CYP4F2: variants seen among roughly 807,000 people sequenced by gnomAD.
CYP4F2 encodes the protein cytochrome P450 4F2.
A neutral mutation model predicts 58.9 loss-of-function variants in CYP4F2; 58 were observed. The ratio of observed to expected loss-of-function variants is 0.98; its 90% CI spans 0.80 to 1.23. The LOEUF (loss-of-function observed/expected upper bound fraction) is 1.23, where lower values mean the gene tolerates loss of function less well. Among genes scored for constraint, CYP4F2 ranks in the 50% most tolerant of loss-of-function variants. The pLI is 0.00. For synonymous variants in CYP4F2, 287 were observed against 261.1 expected, an observed-to-expected ratio of 1.10 and a Z score of -0.95; for missense variants, 616 against 685.6, an observed-to-expected ratio of 0.90 and a Z score of 1.13.
chr19:15,891,041 TG>T (rs1174706137), intron 5 of CYP4F2, among the ~76,000 whole-genome samples: 1 of 152,186 alleles, frequency 6.6e-6, no homozygotes, highest in Non-Finnish European at 1.5e-5. Flanking sequence ...ATCCCTGTTT[TG>T]GGGGAGGTAG....
chr19:15,883,136 G>C (rs2089355244), intron 9 of CYP4F2, among the ~76,000 whole-genome samples: 1 of 152,158 alleles, frequency 6.6e-6, no homozygotes, highest in East Asian at 1.9e-4. Flanking sequence ...AAGGTAAAAA[G>C]CTTCTGCACA....
chr19:15,890,207 ACTC>A lies in CYP4F2; in HGVS notation c.647+102_647+104del, dbSNP rs199895357. On this transcript the variant is annotated intron_variant, in intron 6 of 12. Coordinates refer to ENST00000221700, the MANE Select transcript of CYP4F2 (RefSeq NM_001082.5). ...TCCTTCAATGATCAGGTATAACAAA[ACTC>A]CTCCAGGAAGGTTTGTCTGGTTTCC... 1.0e-3 allele frequency: 1,630 copies of A among 1,577,160 alleles called. 10 individuals are homozygous for A. In the African/African-American group the frequency reaches 0.014, roughly 13 times the overall value.
At chr19:15,890,968 T>C (rs1276850454) in intron 5 of CYP4F2, among the ~76,000 whole-genome samples, 3 of 152,194 alleles carry the variant, frequency 2.0e-5, no homozygotes, top group Admixed American at 1.3e-4. Flanking sequence ...TTCTGGCATA[T>C]GGTATGTGAT....
intron 9 of CYP4F2, among the ~76,000 whole-genome samples, chr19:15,884,555 T>A (rs1405015709): frequency 1.3e-5 from 2 of 152,370 alleles, no homozygotes; most frequent in East Asian, 3.9e-4. Context: ...ATTTGATCTT[T>A]ACCAGTTATA....
chr19:15,897,702 A>T (rs3093098), intron 1 of CYP4F2, 90 bp from the exon 2 acceptor site: 1 of 1,495,386 alleles, frequency 6.7e-7, no homozygotes, highest in Admixed American at 2.0e-5. Flanking sequence ...AGGGACGGGC[A>T]GTGCCGGAGG....
At position 15,878,611 on chromosome 19, in the gene CYP4F2, G is replaced by C. The variant is rs1277560120; in HGVS notation, c.*160C>G. The C allele has an allele frequency of 2.9e-6, 3 of 1,033,612 alleles. No individual in the cohort carries two copies. Among genetic ancestry groups the C allele is most frequent in the Non-Finnish European group, 4.1e-6 (3 of 728,592 alleles). The allele number at this position is 1,033,612 out of a possible 1,614,324, so 64.0% of individuals were successfully genotyped here. ...GAATAGGGCCGCCATGAACATTCAC[G>C]CACAAGCGTCTTTCTGTTTGAACAC... On this transcript the variant is annotated 3_prime_UTR_variant, in exon 13 of 13. Transcript: ENST00000221700.
chr19:15,879,740 T>C (rs1191702323), intron 10 of CYP4F2, 24 bp downstream of exon 10: 1 of 1,613,670 alleles, frequency 6.2e-7, no homozygotes. Context: ...CCCAGGAGAC[T>C]CCTCCCCGTG....
intron 5 of CYP4F2, among the ~76,000 whole-genome samples, chr19:15,891,000 G>C (rs3093146): frequency 6.6e-6 from 1 of 152,256 alleles, no homozygotes; most frequent in Non-Finnish European, 1.5e-5. Flanking sequence ...GGATTTCCCC[G>C]TCTGCATTGT....
At chr19:15,882,756 G>A (rs182459578) in intron 9 of CYP4F2, among the ~76,000 whole-genome samples, 4 of 152,052 alleles carry the variant, frequency 2.6e-5, no homozygotes, top group Admixed American at 6.5e-5. Flanking sequence ...TTGAAAACTC[G>A]TATTTTAAGA....
chr19:15,880,237 T>C (rs1227573102), intron 9 of CYP4F2, among the ~76,000 whole-genome samples: 1 of 152,130 alleles, frequency 6.6e-6, no homozygotes, highest in African/African-American at 2.4e-5. Context: ...AGAAGTTGAA[T>C]ATGCTCAAGA....
In CYP4F2 at chr19:15,879,852, C is replaced by G; in HGVS notation, c.1161G>C (p.Glu387Asp). ...HLPFLTMCMK[E>D]SLRLHPPVPV... Reference sequence around the variant, plus strand: ...GGACTGGGGGATGCAGCCGCAGGCTCTCCTTCATGCACATGGTCAGGAAGG... The same window carrying G: ...GGACTGGGGGATGCAGCCGCAGGCTGTCCTTCATGCACATGGTCAGGAAGG... Residue 387 changes from glutamate to aspartate, a missense_variant, in exon 10 of 13, where the codon GAG (glutamate) becomes GAC (aspartate). Glu to Asp is a conservative substitution (Grantham distance 45). Coordinates refer to ENST00000221700, the MANE Select transcript of CYP4F2 (RefSeq NM_001082.5). 1 of 1,614,192 alleles carries G rather than the reference C, an allele frequency of 6.2e-7. No individual in the cohort carries two copies.
At chr19:15,885,574 C>G (rs2089372534) in intron 9 of CYP4F2, among the ~76,000 whole-genome samples, 1 of 152,102 alleles carries the variant, frequency 6.6e-6, no homozygotes, top group African/African-American at 2.4e-5. Context: ...AATTAGGGAA[C>G]AGAAGAGCAA....
Position 15,885,943 on chromosome 19 carries a change from C to G in CYP4F2, c.1096G>C (p.Glu366Gln), listed in dbSNP as rs765375585. ...ACTCACCATTCAATCTCTTTAGGCT[C>G]ACGGTCCTTCAGAAGTTCTTGCACC... ...QEVQELLKDR[E>Q]PKEIEWDDLA... is the part of the protein sequence containing the mutation. The change falls in exon 9 of 13, where the codon GAG becomes CAG. Residue 366 changes from glutamate to glutamine, a missense_variant. By Grantham distance (29) the Glu-to-Gln change is conservative (BLOSUM62 2). Transcript: ENST00000221700. The G allele has an allele frequency of 2.0e-5, 32 of 1,613,834 alleles. No homozygotes were observed. Among genetic ancestry groups the G allele is most frequent in the Non-Finnish European group, 2.5e-5 (29 of 1,179,918 alleles).
In CYP4F2 at chr19:15,889,597, A is replaced by G; in HGVS notation, c.744T>C (p.Tyr248=). 1 of 1,614,232 alleles carries G rather than the reference A, an allele frequency of 6.2e-7. No individual in the cohort carries two copies. Among genetic ancestry groups the G allele is most frequent in the Non-Finnish European group, 8.5e-7 (1 of 1,180,046 alleles). Residue 248 remains tyrosine, a synonymous_variant, in exon 7 of 13, where the codon TAT becomes TAC. Coordinates refer to ENST00000221700, the MANE Select transcript of CYP4F2 (RefSeq NM_001082.5). ...EILLHIDFLY[Y]LTPDGQRFRR... ...GGAAACGCTGCCCATCAGGGGTGAG[A>G]TAATACAGGAAGTCAATATGCAGGA...
rs756181095 is a variant in CYP4F2 at position 15,890,338 on chromosome 19, GAC to G, written c.619_620del (p.Val207LeufsTer4). ...CCTGACAATGGCTGTCAAAGCTGAA[GAC>G]ACATTTCTGTAGACTGTCCAAGGTC... ...LMTLDSLQKC[V>X]FSFDSHCQEK... On this transcript the variant is annotated frameshift_variant, in exon 6 of 13. Transcript: ENST00000221700. LOFTEE classifies it high-confidence loss of function. The G allele has an allele frequency of 2.7e-5, 43 of 1,614,018 alleles. 1 individual carries two copies. The highest frequency in any genetic ancestry group is 3.6e-5 in the Non-Finnish European group (42 of 1,180,014).
At chr19:15,891,951 C>G (rs550177970) in intron 5 of CYP4F2, among the ~76,000 whole-genome samples, 9 of 152,252 alleles carry the variant, frequency 5.9e-5, no homozygotes, top group African/African-American at 2.2e-4. Flanking sequence ...GACTTATTAG[C>G]AAACATAAAC....
intron 6 of CYP4F2, 80 bp from the exon 7 acceptor site, chr19:15,889,773 T>C: frequency 6.4e-7 from 1 of 1,570,218 alleles, no homozygotes; most frequent in Non-Finnish European, 8.7e-7. Flanking sequence ...GCAGCCAGGA[T>C]CTACCTCCTA....
intron 5 of CYP4F2, among the ~76,000 whole-genome samples, chr19:15,890,986 T>C (rs1010077977): frequency 1.3e-5 from 2 of 152,200 alleles, no homozygotes; most frequent in African/African-American, 2.4e-5. Flanking sequence ...GATCAATAAA[T>C]GTTGGATTTC....
chr19:15,896,133 G>C (rs568601702), intron 2 of CYP4F2, among the ~76,000 whole-genome samples: 44 of 150,366 alleles, frequency 2.9e-4, no homozygotes, highest in African/African-American at 9.8e-4. Flanking sequence ...ATGTGTCCAT[G>C]CATCCATCTA....
Sources: gnomAD v4.1 joint callset for allele counts (sites outside exome capture counted in the v4.1 genomes callset) on GRCh38, gnomAD v4.1.1 for gene constraint, MANE v1.5 for transcripts, NCBI Gene and HGNC (gene_info 2026-07-23, HGNC 2026-07-21) for gene names.